The following UBE3D variants were observed in gnomAD, a reference collection of about 807,000 sequenced individuals.
UBE3D encodes the protein ubiquitin protein ligase E3D.
UBE3D carries 48 observed loss-of-function variants against 49.6 expected under a neutral mutation model. The observed-to-expected ratio is 0.97, with a 90% CI of 0.77 to 1.23. The LOEUF (loss-of-function observed/expected upper bound fraction) is 1.23. Ranked by LOEUF, UBE3D falls within the 50% of genes most tolerant of loss-of-function variation. The pLI, the probability that UBE3D is intolerant of heterozygous loss-of-function variation, is 0.00. For synonymous variants in UBE3D, 189 were observed against 174.2 expected (o/e 1.08, Z -0.67); for missense variants, 452 against 468.4 (o/e 0.96, Z 0.32).
At position 83,019,150 on chromosome 6, in the gene UBE3D, G is replaced by A. The variant is rs1353294476; in HGVS notation, c.847-14C>T. Reference sequence around the variant, plus strand: ...TAAAAGCCATAGCTAAAGATGTGAAGAGAAAGTCCAAGTATAAGAATATTG... The same window carrying A: ...TAAAAGCCATAGCTAAAGATGTGAAAAGAAAGTCCAAGTATAAGAATATTG... On this transcript the variant is annotated splice_polypyrimidine_tract_variant and intron_variant, in intron 7 of 9. Coordinates refer to ENST00000369747, the MANE Select transcript of UBE3D (RefSeq NM_198920.3). 1 of 1,605,478 alleles carries A rather than the reference G, an allele frequency of 6.2e-7. No individual in the cohort carries two copies. The highest frequency in any genetic ancestry group is 8.5e-7 in the Non-Finnish European group (1 of 1,176,470).
chr6:83,046,672 CG>C (rs56105946), intron 3 of UBE3D, among the ~76,000 whole-genome samples: 7 of 105,054 alleles, frequency 6.7e-5, no homozygotes, highest in Admixed American at 4.4e-4. Context: ...TTGCAGTTGG[CG>C]GGGGGGGTGG....
downstream of UBE3D, among the ~76,000 whole-genome samples, chr6:82,890,838 C>A (rs1770966025): frequency 6.6e-6 from 1 of 152,156 alleles, no homozygotes; most frequent in African/African-American, 2.4e-5. Context: ...TCACAAGCAC[C>A]TTTAGGATCT....
rs369963271 is a variant in UBE3D, at chr6:82,912,321, AT to A, written c.1150-19280del. Among the ~76,000 whole-genome samples the A allele has an allele frequency of 1.9e-3, 292 of 152,034 alleles. 1 individual carries two copies. The highest frequency in any genetic ancestry group is 6.6e-3 in the African/African-American group (275 of 41,478). On this transcript the variant is annotated intron_variant, in intron 9 of 9. Coordinates refer to ENST00000369747, the MANE Select transcript of UBE3D (RefSeq NM_198920.3). Reference sequence around the variant, plus strand: ...TTATTCTATGCTTTTTTTCTTCTGCATTCATCCTTTTTTCCATTTTAGCACA... The same window carrying A: ...TTATTCTATGCTTTTTTTCTTCTGCATCATCCTTTTTTCCATTTTAGCACA...
chr6:83,036,963 T>C (rs978325025), intron 5 of UBE3D: 1 of 152,124 alleles, frequency 6.6e-6, no homozygotes, highest in African/African-American at 2.4e-5. Context: ...AAAGAATCAG[T>C]GTCTGCAAGT....
chr6:82,988,719 C>T (rs1778691264), intron 8 of UBE3D, among the ~76,000 whole-genome samples: 1 of 152,030 alleles, frequency 6.6e-6, no homozygotes, highest in Admixed American at 6.6e-5. Flanking sequence ...CATTTCCTTT[C>T]TTTAGTTTTT....
intron 9 of UBE3D, among the ~76,000 whole-genome samples, chr6:82,911,727 A>G (rs577736199): frequency 4.6e-5 from 7 of 152,262 alleles, no homozygotes; most frequent in South Asian, 2.1e-4. Context: ...GTTTTCCCCA[A>G]TGAAGGTGAG....
intron 5 of UBE3D, among the ~76,000 whole-genome samples, chr6:83,028,758 T>C (rs930012577): frequency 2.6e-5 from 4 of 152,208 alleles, no homozygotes; most frequent in African/African-American, 7.2e-5. Flanking sequence ...ATCTTTCGTG[T>C]CAGCCTGAAG....
intron 9 of UBE3D, among the ~76,000 whole-genome samples, chr6:82,956,431 C>G (rs1776161326): frequency 6.6e-6 from 1 of 152,124 alleles, no homozygotes; most frequent in Admixed American, 6.6e-5. Flanking sequence ...TGTTGGTCAT[C>G]TTGCTGGCCA....
intron 9 of UBE3D, among the ~76,000 whole-genome samples, chr6:82,934,371 T>A (rs1002630912): frequency 2.0e-5 from 3 of 152,236 alleles, no homozygotes; most frequent in Non-Finnish European, 4.4e-5. Flanking sequence ...TAAATCTTTT[T>A]ACTTTGTTCT....
chr6:83,033,000 A>G (rs1481609229), intron 5 of UBE3D, among the ~76,000 whole-genome samples: 1 of 152,150 alleles, frequency 6.6e-6, no homozygotes, highest in African/African-American at 2.4e-5. Context: ...TATTAACAGC[A>G]TGAGAACAGA....
intron 9 of UBE3D, among the ~76,000 whole-genome samples, chr6:82,934,876 T>C (rs922590182): frequency 7.3e-5 from 7 of 95,292 alleles, no homozygotes; most frequent in African/African-American, 2.4e-4. Flanking sequence ...AGGAATTTAT[T>C]CTGATACAGC....
At chr6:82,927,840 G>A (rs1396460361) in intron 9 of UBE3D, among the ~76,000 whole-genome samples, 1 of 151,336 alleles carries the variant, frequency 6.6e-6, no homozygotes, top group Non-Finnish European at 1.5e-5. Context: ...CTGGAAAAAA[G>A]CAAAACTATA....
chr6:82,956,155 A>T (rs1776142107), intron 9 of UBE3D, among the ~76,000 whole-genome samples: 1 of 152,242 alleles, frequency 6.6e-6, no homozygotes, highest in Non-Finnish European at 1.5e-5. Flanking sequence ...GTACAAAGCA[A>T]TATACAATGC....
the UBE3D span, among the ~76,000 whole-genome samples, chr6:82,884,157 A>G: frequency 6.6e-6 from 1 of 152,160 alleles, no homozygotes. Context: ...GCAGGGAAAC[A>G]CCCATTTTGG....
At chr6:82,926,342 T>C (rs1217765994) in intron 9 of UBE3D, among the ~76,000 whole-genome samples, 1 of 152,122 alleles carries the variant, frequency 6.6e-6, no homozygotes, top group African/African-American at 2.4e-5. Context: ...TCTGTATGTA[T>C]CATAGTTTAT....
chr6:82,958,284 C>A (rs1345192627), intron 8 of UBE3D, among the ~76,000 whole-genome samples: 1 of 152,058 alleles, frequency 6.6e-6, no homozygotes, highest in African/African-American at 2.4e-5. Flanking sequence ...GAATAGCATG[C>A]ATTTTAGGTT....
intron 8 of UBE3D, among the ~76,000 whole-genome samples, chr6:83,001,804 CAATTAGA>C (rs1562171689): frequency 6.6e-6 from 1 of 152,166 alleles, no homozygotes; most frequent in Non-Finnish European, 1.5e-5. Flanking sequence ...ACCATTCTAA[CAATTAGA>C]AATTCAGTGT....
chr6:82,965,427 C>CA (rs1376949316), intron 8 of UBE3D, among the ~76,000 whole-genome samples: 1 of 150,162 alleles, frequency 6.7e-6, no homozygotes, highest in Non-Finnish European at 1.5e-5. Flanking sequence ...CTACTAAATA[C>CA]AAAAAATTAG....
chr6:82,969,052 C>T (rs1307228843), intron 8 of UBE3D, among the ~76,000 whole-genome samples: 1 of 152,062 alleles, frequency 6.6e-6, no homozygotes, highest in Non-Finnish European at 1.5e-5. Context: ...TGGTCACTGT[C>T]ATTGATTAAC....
Sources: allele counts gnomAD v4.1 joint callset (sites outside exome capture counted in the v4.1 genomes callset), GRCh38; gene constraint gnomAD v4.1.1; transcripts MANE v1.5; gene names NCBI Gene and HGNC (gene_info 2026-07-23, HGNC 2026-07-21).